The following RIC1 variants were observed in gnomAD, a reference collection of about 807,000 sequenced individuals.
The protein encoded by RIC1 is RIC1 partner of RAB6A GEF complex.
In RIC1, 88 loss-of-function variants were observed where a neutral mutation model predicts 169.0. That is an observed-to-expected ratio of 0.52 (90% confidence interval 0.44 to 0.62). The LOEUF is 0.62. RIC1 is among the 20% of genes least tolerant of loss of function. The pLI is 0.00. For missense variants in RIC1, 1,877 were observed against 1,725.5 expected, an observed-to-expected ratio of 1.09 and a Z score of -1.56; for synonymous variants, 790 against 601.5, an observed-to-expected ratio of 1.31 and a Z score of -4.59.
chr9:5,743,844 A>C (rs542372952), intron 10 of RIC1, 107 bp downstream of exon 10: 26 of 800,968 alleles, frequency 3.2e-5, no homozygotes, highest in Non-Finnish European at 5.3e-5. Flanking sequence ...AGGGTCTTAC[A>C]CTGTCACCCA....
intron 7 of RIC1, among the ~76,000 whole-genome samples, chr9:5,736,781 T>C (rs768068325): frequency 6.6e-6 from 1 of 152,034 alleles, no homozygotes; most frequent in Non-Finnish European, 1.5e-5. Context: ...TTAATGAACT[T>C]GAAAAACAGA....
chr9:5,667,614 C>G (rs779476818), intron 2 of RIC1, among the ~76,000 whole-genome samples: 5 of 151,154 alleles, frequency 3.3e-5, no homozygotes, highest in Admixed American at 6.6e-5. Context: ...AAGTAATCCT[C>G]TCCCTCAGCC....
intron 3 of RIC1, among the ~76,000 whole-genome samples, chr9:5,702,097 T>C (rs1371504393): frequency 6.6e-6 from 1 of 152,204 alleles, no homozygotes; most frequent in East Asian, 1.9e-4. Context: ...CTGAAGCTCA[T>C]AGTTTATTAA....
chr9:5,759,006 G>A (rs1235199266), intron 17 of RIC1, among the ~76,000 whole-genome samples: 4 of 151,962 alleles, frequency 2.6e-5, no homozygotes, highest in African/African-American at 9.7e-5. Context: ...GCCTCCCAAA[G>A]TGCTGGGATT....
At position 5,661,162 on chromosome 9, in the gene RIC1, C is replaced by G. The variant is rs574612592; in HGVS notation, c.252+4472C>G. 2.2e-4 allele frequency among the ~76,000 whole-genome samples: 34 copies of G among 152,102 alleles called. No individual in the cohort carries two copies. In the South Asian group the frequency reaches 4.8e-3, roughly 21 times the overall value. ...ATGGTGTAGGTGGGTGTTCTTGTTT[C>G]TGGGTTCTCTATTCTGTTACGTTGG... On this transcript the variant is annotated intron_variant, in intron 2 of 25. Transcript: ENST00000414202.
intron 12 of RIC1, 113 bp downstream of exon 12, chr9:5,747,618 C>T (rs1825460085): frequency 2.2e-6 from 2 of 905,476 alleles, no homozygotes; most frequent in African/African-American, 3.3e-5. Context: ...TCCTTTTAAC[C>T]ATTTTGTCAT....
chr9:5,675,865 C>T (rs1256837053), intron 2 of RIC1, among the ~76,000 whole-genome samples: 1 of 152,128 alleles, frequency 6.6e-6, no homozygotes. Flanking sequence ...TCATAATATG[C>T]ATACAGCACA....
At chr9:5,704,619 A>G (rs947338424) in intron 3 of RIC1, among the ~76,000 whole-genome samples, 2 of 151,572 alleles carry the variant, frequency 1.3e-5, no homozygotes, top group Admixed American at 6.6e-5. Context: ...TTTTTTTCTC[A>G]TTGTCTGGGC....
At chr9:5,642,575 T>G (rs1269555909) in intron 1 of RIC1, among the ~76,000 whole-genome samples, 2 of 144,806 alleles carry the variant, frequency 1.4e-5, no homozygotes, top group Non-Finnish European at 3.0e-5. Context: ...GATATTCTGT[T>G]CTGTTGTGGC....
chr9:5,689,575 A>C (rs1050780281), intron 2 of RIC1, among the ~76,000 whole-genome samples: 1 of 152,214 alleles, frequency 6.6e-6, no homozygotes, highest in African/African-American at 2.4e-5. Context: ...TAAAGGTGTA[A>C]TAAAGCCATA....
rs149313507 is a variant in RIC1 at position 5,772,700 on chromosome 9, G to A, written c.3753G>A (p.Glu1251=). Residue 1251 remains glutamate, a synonymous_variant, in exon 24 of 26, where the codon GAG becomes GAA. Coordinates refer to ENST00000414202, the MANE Select transcript of RIC1 (RefSeq NM_020829.4). The part of the protein sequence containing the change: ...TQSELEHISM[E]LASKGPHKSQ... ...CAGAGCTGGAGCACATTTCCATGGA[G>A]TTGGCCAGTAAAGGGCCTCATAAAT... The A allele has an allele frequency of 6.2e-7, 1 of 1,611,938 alleles. No individual in the cohort carries two copies. Among genetic ancestry groups the A allele is most frequent in the African/African-American group, 1.3e-5 (1 of 74,824 alleles).
At chr9:5,753,289 A>G (rs746198661) in intron 13 of RIC1, 51 bp downstream of exon 13, 3 of 1,538,090 alleles carry the variant, frequency 2.0e-6, no homozygotes, top group South Asian at 2.2e-5. Flanking sequence ...CATTTGCTGC[A>G]AGAGGCATTC....
chr9:5,630,623 A>G (rs919815620), intron 1 of RIC1, among the ~76,000 whole-genome samples: 2 of 152,182 alleles, frequency 1.3e-5, no homozygotes, highest in African/African-American at 4.8e-5. Flanking sequence ...AAATCAGACT[A>G]TTTGCCATCA....
Position 5,720,175 on chromosome 9 carries a change from C to T in RIC1, c.441-7C>T. On this transcript the variant is annotated splice_polypyrimidine_tract_variant and splice_region_variant and intron_variant, in intron 4 of 25. Transcript: ENST00000414202. ...CTCTCTTAAAAATTAATTGATTCTACCTACAGTTTGCAGTCTGTGTTGGAA... is the reference window on the plus strand; with the variant it reads ...CTCTCTTAAAAATTAATTGATTCTATCTACAGTTTGCAGTCTGTGTTGGAA... 1.9e-6 allele frequency: 3 copies of T among 1,607,068 alleles called. No homozygotes were observed. The highest frequency in any genetic ancestry group is 2.6e-6 in the Non-Finnish European group (3 of 1,174,210).
intron 1 of RIC1, 108 bp from the exon 2 acceptor site, chr9:5,656,470 CTTTTA>C (rs1174470997): frequency 1.3e-5 from 7 of 520,668 alleles, no homozygotes; most frequent in South Asian, 3.9e-5. Context: ...TCAATATTGT[CTTTTA>C]TTTTACTGTA....
At position 5,720,235 on chromosome 9, in the gene RIC1, A is replaced by G. The variant is rs760144699; in HGVS notation, c.494A>G (p.His165Arg). Residue 165 changes from histidine (H) to arginine (R), a missense_variant, in exon 5 of 26, where the codon CAT (histidine) becomes CGT (arginine). This residue lies in a region of RIC1 where 1,104 missense variants were observed against 992.0 expected (regional missense o/e 1.11). Transcript: ENST00000414202. The part of the protein sequence containing the change: ...LLVATSDGLL[H>R]LIHWEGMTNG... ...GTTGCTACTTCTGATGGACTTCTTCATCTTATTCACTGGGAAGGAATGACA... is the reference window on the plus strand; with the variant it reads ...GTTGCTACTTCTGATGGACTTCTTCGTCTTATTCACTGGGAAGGAATGACA... 6.2e-7 allele frequency: 1 copy of G among 1,613,218 alleles called. No individual in the cohort carries two copies. The highest frequency in any genetic ancestry group is 2.2e-5 in the East Asian group (1 of 44,854).
intron 2 of RIC1, among the ~76,000 whole-genome samples, chr9:5,664,875 A>G (rs1350257547): frequency 6.6e-6 from 1 of 152,080 alleles, no homozygotes. Flanking sequence ...AAGCTCTGAG[A>G]TTCTTTTCTC....
chr9:5,676,246 G>C (rs1364978577), intron 2 of RIC1, among the ~76,000 whole-genome samples: 1 of 152,040 alleles, frequency 6.6e-6, no homozygotes, highest in Non-Finnish European at 1.5e-5. Flanking sequence ...GGTAACCAAA[G>C]CTTTATCAGA....
In RIC1 at chr9:5,629,298, T is replaced by G; in HGVS notation, c.-12T>G. 6.7e-7 allele frequency: 1 copy of G among 1,493,884 alleles called. No individual in the cohort carries two copies. The allele number at this position is 1,493,884 out of a possible 1,614,324, so 92.5% of individuals were successfully genotyped here. On this transcript the variant is annotated 5_prime_UTR_variant, in exon 1 of 26. Coordinates refer to ENST00000414202, the MANE Select transcript of RIC1 (RefSeq NM_020829.4). ...GGACGCAACTGGGGGCGCCGGGGGC[T>G]CCGCACGGACCATGTATTTTCTGAG...
Sources: gnomAD v4.1 joint callset for allele counts (sites outside exome capture counted in the v4.1 genomes callset) on GRCh38, gnomAD v4.1.1 for gene constraint, gnomAD v4.1.1 regional missense constraint, MANE v1.5 for transcripts, NCBI Gene and HGNC (gene_info 2026-07-23, HGNC 2026-07-21) for gene names.